The following FAM222A variants were observed in gnomAD, a reference collection of about 807,000 sequenced individuals.
The protein encoded by FAM222A is family with sequence similarity 222 member A, also known as protein FAM222A.
Under a neutral mutation model 25.8 loss-of-function variants are expected in FAM222A, and 7 were observed. The ratio of observed to expected loss-of-function variants is 0.27; its 90% CI spans 0.15 to 0.51. The LOEUF is 0.51. Ranked by LOEUF, FAM222A falls within the 20% of genes least tolerant of loss-of-function variation. FAM222A has a pLI of 0.97. For missense variants in FAM222A, 573 were observed against 640.5 expected, an observed-to-expected ratio of 0.89 and a Z score of 1.14; for synonymous variants, 294 against 298.8, an observed-to-expected ratio of 0.98 and a Z score of 0.17.
chr12:109,723,799 T>C (rs1887793620), intron 1 of FAM222A, among the ~76,000 whole-genome samples: 1 of 152,182 alleles, frequency 6.6e-6, no homozygotes, highest in South Asian at 2.1e-4. Context: ...CTGTCCCACG[T>C]CCCATCTTCC....
At chr12:109,748,448 T>C (rs758396016) in intron 2 of FAM222A, among the ~76,000 whole-genome samples, 39 of 151,020 alleles carry the variant, frequency 2.6e-4, no homozygotes, top group Admixed American at 1.7e-3. Context: ...TAAATAGACA[T>C]GGAATTATCT....
chr12:109,752,809 G>A (rs149993666), intron 2 of FAM222A, among the ~76,000 whole-genome samples: 2 of 152,298 alleles, frequency 1.3e-5, no homozygotes, highest in African/African-American at 4.8e-5. Flanking sequence ...AGGTCTGGCT[G>A]TATGCTGAGA....
At chr12:109,741,279 C>T (rs1566190393) in intron 1 of FAM222A, among the ~76,000 whole-genome samples, 1 of 152,158 alleles carries the variant, frequency 6.6e-6, no homozygotes, top group Non-Finnish European at 1.5e-5. Context: ...AAAAAAGTCC[C>T]TCCTCTTTAA....
chr12:109,750,048 A>G (rs895533510), intron 2 of FAM222A, among the ~76,000 whole-genome samples: 14 of 152,078 alleles, frequency 9.2e-5, no homozygotes, highest in African/African-American at 3.4e-4. Flanking sequence ...ATTTACATTT[A>G]TTGATATGAC....
chr12:109,742,611 C>CTTT (rs201720366), intron 1 of FAM222A, among the ~76,000 whole-genome samples: 4 of 142,234 alleles, frequency 2.8e-5, no homozygotes, highest in Admixed American at 6.9e-5. Flanking sequence ...CTCTCTCGCT[C>CTTT]TTTTTTTTTT....
intron 2 of FAM222A, among the ~76,000 whole-genome samples, chr12:109,745,428 C>A (rs959208154): frequency 3.3e-5 from 5 of 152,120 alleles, no homozygotes; most frequent in Non-Finnish European, 7.3e-5. Flanking sequence ...GGATGTGTCA[C>A]GAGGATGTGG....
At chr12:109,736,733 C>T (rs1425285997) in intron 1 of FAM222A, among the ~76,000 whole-genome samples, 1 of 152,178 alleles carries the variant, frequency 6.6e-6, no homozygotes, top group Non-Finnish European at 1.5e-5. Flanking sequence ...CTGACGGAGG[C>T]ACATCGCAGT....
chr12:109,721,850 G>A (rs778521825), intron 1 of FAM222A, among the ~76,000 whole-genome samples: 4 of 152,074 alleles, frequency 2.6e-5, no homozygotes, highest in African/African-American at 4.8e-5. Flanking sequence ...GCACTCTCTC[G>A]TTCATCATTC....
At position 109,769,383 on chromosome 12, in the gene FAM222A, C is replaced by T; in HGVS notation, c.*95C>T. 1 of 1,391,056 alleles carries T rather than the reference C, an allele frequency of 7.2e-7. No homozygotes were observed. Among genetic ancestry groups the T allele is most frequent in the Admixed American group, 2.5e-5 (1 of 39,398 alleles). The allele number at this position is 1,391,056 out of a possible 1,614,324, so 86.2% of individuals were successfully genotyped here. A position where few individuals can be genotyped will look rare whatever the true frequency, so the allele number is the denominator to read the frequency against. On this transcript the variant is annotated 3_prime_UTR_variant, in exon 3 of 3. Transcript: ENST00000538780. ...GGGCGGCTCGCAGGGGCGCTCAGCCCCACCCTGTGCCTGCTGATGCCCACA... is the reference window on the plus strand; with the variant it reads ...GGGCGGCTCGCAGGGGCGCTCAGCCTCACCCTGTGCCTGCTGATGCCCACA...
At chr12:109,747,042 A>G (rs1888419283) in intron 2 of FAM222A, among the ~76,000 whole-genome samples, 1 of 152,306 alleles carries the variant, frequency 6.6e-6, no homozygotes, top group Admixed American at 6.5e-5. Context: ...CAGCACTCAA[A>G]AAGTTACAGA....
intron 2 of FAM222A, among the ~76,000 whole-genome samples, chr12:109,757,042 A>G (rs749845937): frequency 2.0e-4 from 31 of 152,266 alleles, no homozygotes; most frequent in Admixed American, 5.9e-4. Context: ...CAGATTTTCA[A>G]TTTCTCAAGT....
At chr12:109,765,718 G>T (rs1889030218) in intron 2 of FAM222A, among the ~76,000 whole-genome samples, 1 of 152,244 alleles carries the variant, frequency 6.6e-6, no homozygotes, top group Non-Finnish European at 1.5e-5. Flanking sequence ...TAGAAGGTTG[G>T]GACATGGCCA....
chr12:109,768,804 C>T lies in FAM222A; in HGVS notation c.875C>T (p.Pro292Leu), dbSNP rs746528053. 28 of 1,571,380 alleles carry T rather than the reference C, an allele frequency of 1.8e-5. No homozygotes were observed. Among genetic ancestry groups the T allele is most frequent in the Middle Eastern group, 1.9e-4 (1 of 5,248 alleles). The stretch of plus-strand genomic sequence containing the variant: ...GATTACCTGCTGTGGCCGCAGAAAC[C>T]GCCCCCACCGCCGCCCCAGCCACTG... ...GLDYLLWPQK[P>L]PPPPPQPLRA... The change falls in exon 3 of 3, where the codon CCG (proline) becomes CTG (leucine). Residue 292 changes from proline to leucine, a missense_variant. Transcript: ENST00000538780.
chr12:109,730,618 G>T (rs1887930019), intron 1 of FAM222A, among the ~76,000 whole-genome samples: 1 of 152,174 alleles, frequency 6.6e-6, no homozygotes, highest in African/African-American at 2.4e-5. Flanking sequence ...CTGAAGCTCT[G>T]TCTGACCTGG....
chr12:109,755,962 G>A (rs1161231085), intron 2 of FAM222A, among the ~76,000 whole-genome samples: 3 of 152,216 alleles, frequency 2.0e-5, no homozygotes, highest in African/African-American at 4.8e-5. Flanking sequence ...TGAGTCCCAT[G>A]AAGTTTAGTC....
At chr12:109,737,055 G>A (rs1026244065) in intron 1 of FAM222A, among the ~76,000 whole-genome samples, 5 of 152,172 alleles carry the variant, frequency 3.3e-5, no homozygotes, top group Non-Finnish European at 7.4e-5. Flanking sequence ...CCAGTCATTT[G>A]ACGATTCATC....
At chr12:109,721,439 G>A (rs1470799609) in intron 1 of FAM222A, among the ~76,000 whole-genome samples, 1 of 151,346 alleles carries the variant, frequency 6.6e-6, no homozygotes, top group African/African-American at 2.4e-5. Context: ...CTTGCCTTAT[G>A]CCGCTGTGCC....
intron 2 of FAM222A, among the ~76,000 whole-genome samples, chr12:109,761,873 C>T (rs566566411): frequency 1.3e-5 from 2 of 152,308 alleles, no homozygotes; most frequent in African/African-American, 4.8e-5. Flanking sequence ...AGGAAACCCC[C>T]GGGTCCTGGC....
In FAM222A at chr12:109,763,111, GTCC is replaced by G. The variant is rs368995219; in HGVS notation, c.83-4893_83-4891del. 3.2e-3 allele frequency among the ~76,000 whole-genome samples: 490 copies of G among 152,310 alleles called. 4 individuals are homozygous for G. The highest frequency in any genetic ancestry group is 8.6e-3 in the African/African-American group (356 of 41,574). On this transcript the variant is annotated intron_variant, in intron 2 of 2. Transcript: ENST00000538780. ...GACTCTGTGGTCCCTTCTCAGGACT[GTCC>G]TCCTCCTGATTCTAGGGAAGAGGAG...
Sources: gnomAD v4.1 joint callset for allele counts (sites outside exome capture counted in the v4.1 genomes callset) on GRCh38, gnomAD v4.1.1 for gene constraint, MANE v1.5 for transcripts, NCBI Gene and HGNC (gene_info 2026-07-23, HGNC 2026-07-21) for gene names.